Variants in SYT16 observed in about 807,000 individuals in gnomAD.
SYT16 encodes the protein synaptotagmin-16.
Under a neutral mutation model 61.4 loss-of-function variants are expected in SYT16, and 42 were observed. The ratio of observed to expected loss-of-function variants is 0.68; its 90% CI spans 0.53 to 0.89. The LOEUF is 0.89. Ranked by LOEUF, SYT16 falls within the 40% of genes least tolerant of loss-of-function variation. SYT16 has a pLI of 0.00. For missense variants in SYT16, 804 were observed against 807.3 expected (o/e 1.00, Z 0.05); for synonymous variants, 314 against 302.3 (o/e 1.04, Z -0.40).
At chr14:61,931,751 A>C (rs547616636) in intron 1 of SYT16, among the ~76,000 whole-genome samples, 2 of 152,186 alleles carry the variant, frequency 1.3e-5, no homozygotes, top group African/African-American at 4.8e-5. Context: ...CCTTAGAATA[A>C]ATTTTTTTTT....
intron 1 of SYT16, among the ~76,000 whole-genome samples, chr14:61,940,211 A>G (rs557641642): frequency 3.8e-4 from 58 of 152,062 alleles, no homozygotes; most frequent in Admixed American, 2.9e-3. Context: ...CTTTAACCTC[A>G]GCTTTTGAGG....
chr14:61,995,619 G>A (rs954099737), intron 2 of SYT16, among the ~76,000 whole-genome samples: 77 of 152,168 alleles, frequency 5.1e-4, no homozygotes, highest in African/African-American at 1.9e-3. Flanking sequence ...GATGGTCTAT[G>A]GGGATAGACT....
rs555677703 is a variant in SYT16 at position 62,077,355 on chromosome 14, C to T, written c.993+1964C>T. Among the ~76,000 whole-genome samples the T allele has an allele frequency of 5.3e-4, 81 of 152,338 alleles. 1 individual carries two copies. Among genetic ancestry groups the T allele is most frequent in the African/African-American group, 1.7e-3 (70 of 41,586 alleles). On this transcript the variant is annotated intron_variant, in intron 5 of 7. Coordinates refer to ENST00000683842, the MANE Select transcript of SYT16 (RefSeq NM_001367656.1). ...TATTTTGTCTCAGCAGGAAACTGGT[C>T]GTGCAGTGTGACTACCTGTTAGGCT...
intron 3 of SYT16, among the ~76,000 whole-genome samples, chr14:62,038,304 G>A (rs2054589573): frequency 6.6e-6 from 1 of 151,256 alleles, no homozygotes; most frequent in African/African-American, 2.4e-5. Context: ...TCTTTCCTGA[G>A]TGTGGCCTCA....
chr14:62,073,590 G>A (rs765525733), intron 4 of SYT16, among the ~76,000 whole-genome samples: 21 of 152,302 alleles, frequency 1.4e-4, no homozygotes, highest in Non-Finnish European at 2.5e-4. Flanking sequence ...GAAGGATAAC[G>A]AGGAAGATAG....
chr14:62,076,428 G>A (rs573245304), intron 5 of SYT16, among the ~76,000 whole-genome samples: 2 of 147,960 alleles, frequency 1.4e-5, no homozygotes, highest in African/African-American at 5.1e-5. Context: ...TGTCACACAC[G>A]CTAAATGCTC....
intron 1 of SYT16, among the ~76,000 whole-genome samples, chr14:61,875,366 A>G (rs2140310215): frequency 6.6e-6 from 1 of 152,352 alleles, no homozygotes; most frequent in East Asian, 1.9e-4. Context: ...GGAATTAGAG[A>G]AATTTATGTG....
chr14:61,920,291 A>G (rs2140402787), intron 1 of SYT16, among the ~76,000 whole-genome samples: 1 of 152,266 alleles, frequency 6.6e-6, no homozygotes, highest in East Asian at 1.9e-4. Flanking sequence ...CTTGGGATAC[A>G]TGTGCAAAAC....
chr14:62,058,362 T>G (rs1327766074), intron 3 of SYT16, among the ~76,000 whole-genome samples: 1 of 117,606 alleles, frequency 8.5e-6, no homozygotes, highest in African/African-American at 4.3e-5. Flanking sequence ...TTTTTTTTTT[T>G]GAGAAGGAGT....
intron 2 of SYT16, among the ~76,000 whole-genome samples, chr14:61,975,837 C>A (rs140141127): frequency 6.6e-6 from 1 of 152,174 alleles, no homozygotes; most frequent in East Asian, 1.9e-4. Flanking sequence ...ATGTCTCTTT[C>A]GCATTTCAAA....
chr14:61,815,648 A>T (rs1290617954), intron 1 of SYT16, among the ~76,000 whole-genome samples: 1 of 152,232 alleles, frequency 6.6e-6, no homozygotes, highest in African/African-American at 2.4e-5. Flanking sequence ...CTAAGGGCAG[A>T]TTCCAGAGGA....
intron 1 of SYT16, among the ~76,000 whole-genome samples, chr14:61,889,585 GCTCC>G (rs1381882750): frequency 6.6e-6 from 1 of 150,658 alleles, no homozygotes; most frequent in African/African-American, 2.4e-5. Flanking sequence ...GCTCGCTCTT[GCTCC>G]CTCTCTCTCT....
chr14:61,967,231 G>A (rs557282099), intron 1 of SYT16, among the ~76,000 whole-genome samples: 1 of 152,338 alleles, frequency 6.6e-6, no homozygotes, highest in African/African-American at 2.4e-5. Context: ...AGAGTTTGAT[G>A]TTGGAGAATG....
chr14:62,111,076 G>A lies in SYT16; in HGVS notation c.*10369G>A, dbSNP rs1393601728. ...TATTTTATTTGTGTTCACAGTGCAA[G>A]ATAAATCTGACTTTCTCAATATTTT... is the stretch of plus-strand genomic sequence containing the variant. On this transcript the variant is annotated 3_prime_UTR_variant, in exon 8 of 8. Transcript: ENST00000683842. 3 of 152,050 alleles carry A rather than the reference G, an allele frequency of 2.0e-5. No individual in the cohort carries two copies. In the East Asian group the frequency reaches 5.8e-4, roughly 29 times the overall value. 9.4% of individuals were successfully genotyped at this position (152,050 alleles called of 1,614,324 possible).
At chr14:61,972,378 C>G (rs997444994) in intron 2 of SYT16, among the ~76,000 whole-genome samples, 1 of 152,144 alleles carries the variant, frequency 6.6e-6, no homozygotes, top group Non-Finnish European at 1.5e-5. Context: ...ATGAATTATA[C>G]TTGCAAATAA....
chr14:61,975,856 G>A (rs2051769108), intron 2 of SYT16, among the ~76,000 whole-genome samples: 1 of 152,092 alleles, frequency 6.6e-6, no homozygotes, highest in Admixed American at 6.6e-5. Context: ...AACCAATAAT[G>A]CCTTCCCAAC....
At chr14:61,949,296 C>G (rs1425737797) in intron 1 of SYT16, among the ~76,000 whole-genome samples, 1 of 152,180 alleles carries the variant, frequency 6.6e-6, no homozygotes, top group East Asian at 1.9e-4. Flanking sequence ...TACACTAGAC[C>G]AGAATCTCCT....
intron 1 of SYT16, among the ~76,000 whole-genome samples, chr14:61,940,475 T>C (rs1253891844): frequency 6.6e-6 from 1 of 152,192 alleles, no homozygotes; most frequent in Admixed American, 6.5e-5. Context: ...AATAGGGTCT[T>C]GAGCCAGACT....
chr14:62,078,435 A>T (rs1018582944), intron 5 of SYT16, among the ~76,000 whole-genome samples: 3 of 152,246 alleles, frequency 2.0e-5, no homozygotes, highest in Non-Finnish European at 4.4e-5. Context: ...CCTCCATAAA[A>T]TGAAGATATT....
Sources: allele counts gnomAD v4.1 joint callset (sites outside exome capture counted in the v4.1 genomes callset), GRCh38; gene constraint gnomAD v4.1.1; transcripts MANE v1.5; gene names NCBI Gene and HGNC (gene_info 2026-07-23, HGNC 2026-07-21).